The following GIGYF2 variants were observed in gnomAD, a reference collection of about 807,000 sequenced individuals.
GIGYF2 encodes GRB10-interacting GYF protein 2.
GIGYF2 carries 25 observed loss-of-function variants against 208.1 expected under a neutral mutation model. The ratio of observed to expected loss-of-function variants is 0.12; its 90% CI spans 0.09 to 0.17. The LOEUF (loss-of-function observed/expected upper bound fraction) is 0.17, where lower values mean the gene tolerates loss of function less well. Ranked by LOEUF, GIGYF2 falls within the 10% of genes least tolerant of loss-of-function variation. GIGYF2 has a pLI of 1.00. For synonymous variants in GIGYF2, 534 were observed against 543.8 expected (o/e 0.98, Z 0.25); for missense variants, 1,302 against 1,579.4 (o/e 0.82, Z 2.98).
chr2:232,834,707 C>T (rs1458209609), intron 22 of GIGYF2, among the ~76,000 whole-genome samples: 4 of 152,174 alleles, frequency 2.6e-5, no homozygotes, highest in African/African-American at 9.7e-5. Flanking sequence ...TTAATGGTGT[C>T]TCATTTCTCT....
rs185788151 is a variant in GIGYF2 at position 232,706,599 on chromosome 2, G to A, written c.-44+3110G>A. 1.8e-4 allele frequency among the ~76,000 whole-genome samples: 28 copies of A among 152,182 alleles called. 1 individual carries two copies. In the South Asian group the frequency reaches 4.4e-3, roughly 24 times the overall value. On this transcript the variant is annotated intron_variant, in intron 2 of 28. Coordinates refer to ENST00000373563, the MANE Select transcript of GIGYF2 (RefSeq NM_001103146.3). ...TTGAGACCAGCCTGACCAACACGGC[G>A]AAACCCTGTCTCTACTAAAAATACA...
chr2:232,746,964 TTC>T (rs1315684520), intron 3 of GIGYF2, among the ~76,000 whole-genome samples: 1 of 152,220 alleles, frequency 6.6e-6, no homozygotes, highest in Non-Finnish European at 1.5e-5. Flanking sequence ...TCATGTTTGT[TTC>T]TATGCTTTTG....
At chr2:232,843,913 ACAG>A (rs756493556) in intron 23 of GIGYF2, 130 bp from the exon 24 acceptor site, 8 of 764,362 alleles carry the variant, frequency 1.0e-5, no homozygotes, top group Non-Finnish European at 1.8e-5. Flanking sequence ...TTTATTTGCA[ACAG>A]CAGAATTTAA....
chr2:232,822,207 A>G (rs1294734208), intron 21 of GIGYF2, among the ~76,000 whole-genome samples: 1 of 152,200 alleles, frequency 6.6e-6, no homozygotes, highest in African/African-American at 2.4e-5. Flanking sequence ...TCTAAATTGA[A>G]GAGAATTCAC....
At chr2:232,720,583 A>ATATTAT (rs376956632) in intron 2 of GIGYF2, among the ~76,000 whole-genome samples, 4 of 144,918 alleles carry the variant, frequency 2.8e-5, no homozygotes, top group Non-Finnish European at 6.1e-5. Context: ...ATATATATAT[A>ATATTAT]TTTTTGTTTG....
At chr2:232,789,771 C>G (rs772157796) in intron 9 of GIGYF2, among the ~76,000 whole-genome samples, 28 of 151,982 alleles carry the variant, frequency 1.8e-4, no homozygotes, top group Non-Finnish European at 3.7e-4. Context: ...TAGGTTAAAG[C>G]CTGCTTTTCT....
chr2:232,708,969 A>G (rs1386589929), intron 2 of GIGYF2, among the ~76,000 whole-genome samples: 3 of 152,078 alleles, frequency 2.0e-5, no homozygotes, highest in South Asian at 4.1e-4. Flanking sequence ...AAAAATACCA[A>G]AATTAGCCGG....
At chr2:232,808,396 A>C (rs1056106649) in intron 15 of GIGYF2, among the ~76,000 whole-genome samples, 6 of 152,248 alleles carry the variant, frequency 3.9e-5, no homozygotes, top group African/African-American at 1.2e-4. Context: ...GCTGAGCCTC[A>C]GTCATACCTG....
Position 232,794,901 on chromosome 2 carries a change from C to A in GIGYF2, c.1436C>A (p.Ser479Tyr). ...VVGAPGMGSV[S>Y]TEPDDEEGLK... is the part of the protein sequence containing the mutation. ...GGTGCTCCTGGTATGGGCAGTGTTT[C>A]CACAGAACCTGATGATGAAGAAGGT... Residue 479 changes from serine to tyrosine, a missense_variant, in exon 13 of 29, where the codon TCC (serine) becomes TAC (tyrosine). By Grantham distance (144) the Ser-to-Tyr change is moderately radical (BLOSUM62 -2). This residue lies in a region of GIGYF2 where 235 missense variants were observed against 218.8 expected (regional missense o/e 1.07). Transcript: ENST00000373563. The A allele has an allele frequency of 1.2e-6, 2 of 1,613,978 alleles. No individual in the cohort carries two copies. Among genetic ancestry groups the A allele is most frequent in the Non-Finnish European group, 1.7e-6 (2 of 1,179,884 alleles).
chr2:232,845,648 C>G, intron 25 of GIGYF2, 84 bp from the exon 26 acceptor site: 5 of 1,228,542 alleles, frequency 4.1e-6, no homozygotes, highest in Non-Finnish European at 6.0e-6. Flanking sequence ...TCCAGTATTG[C>G]CAAGACATTA....
intron 14 of GIGYF2, among the ~76,000 whole-genome samples, chr2:232,797,489 TTGTGTGTGTGTGTGTGTGTGTG>T (rs67221198): frequency 1.4e-5 from 2 of 144,994 alleles, no homozygotes; most frequent in African/African-American, 2.6e-5. Context: ...AGAGCAGGGC[TTGTGTGTGTGTGTGTGTGTGTG>T]TGTGTGTGTG....
In GIGYF2 at chr2:232,776,629, G is replaced by A; in HGVS notation, c.533-10521G>A. The A allele has an allele frequency of 3.2e-6, 2 of 624,190 alleles. 1 individual carries two copies. Among genetic ancestry groups the A allele is most frequent in the South Asian group, 3.9e-5 (2 of 51,878 alleles). The allele number at this position is 624,190 out of a possible 1,614,324, so 38.7% of individuals were successfully genotyped here. A position where few individuals can be genotyped will look rare whatever the true frequency, so the allele number is the denominator to read the frequency against. On this transcript the variant is annotated intron_variant, in intron 8 of 28. Coordinates refer to ENST00000373563, the MANE Select transcript of GIGYF2 (RefSeq NM_001103146.3). ...GGGGCTGGTTTCAGCTGAGGTTGAT[G>A]TGATTGGTCACTTAGCCTGCAGGGG...
rs544483441 is a variant in GIGYF2 at position 232,843,542 on chromosome 2, G to A, written c.2890-504G>A. Reference sequence around the variant, plus strand: ...CGTGCCATTGCACTCCAGTCTGGGCGACAGAGCGAGACCCTGTCTCAAAAA... The same window carrying A: ...CGTGCCATTGCACTCCAGTCTGGGCAACAGAGCGAGACCCTGTCTCAAAAA... On this transcript the variant is annotated intron_variant, in intron 23 of 28. Transcript: ENST00000373563. Among the ~76,000 whole-genome samples, 6 of 140,530 alleles carry A rather than the reference G, an allele frequency of 4.3e-5. No individual in the cohort carries two copies. In the South Asian group the frequency reaches 6.7e-4, roughly 16 times the overall value. 92.2% of individuals were successfully genotyped at this position (140,530 alleles called of 152,430 possible).
Position 232,749,020 on chromosome 2 carries a change from C to A in GIGYF2, c.205C>A (p.Pro69Thr), listed in dbSNP as rs769730506. ...AGACCTTCTGGATAAAGAATTTCTG[C>A]CTATCCTCCAGGAGGAACCCCTTCC... ...PSDLLDKEFL[P>T]ILQEEPLPPL... Residue 69 changes from proline to threonine, a missense_variant, in exon 5 of 29, where the codon CCT (proline) becomes ACT (threonine). By Grantham distance (38) the Pro-to-Thr change is conservative (BLOSUM62 -1). This residue lies in a region of GIGYF2 where 189 missense variants were observed against 257.7 expected (regional missense o/e 0.73). Coordinates refer to ENST00000373563, the MANE Select transcript of GIGYF2 (RefSeq NM_001103146.3). 1 of 1,602,600 alleles carries A rather than the reference C, an allele frequency of 6.2e-7. No individual in the cohort carries two copies. The highest frequency in any genetic ancestry group is 1.1e-5 in the South Asian group (1 of 90,840).
chr2:232,737,055 C>T (rs755629427), intron 3 of GIGYF2, among the ~76,000 whole-genome samples: 3 of 152,278 alleles, frequency 2.0e-5, no homozygotes, highest in African/African-American at 7.2e-5. Context: ...AAGACAGAGA[C>T]GTCCATTTGC....
At chr2:232,790,977 G>A (rs1228595618) in intron 10 of GIGYF2, 31 bp from the exon 11 acceptor site, 1 of 1,612,924 alleles carries the variant, frequency 6.2e-7, no homozygotes, top group Non-Finnish European at 8.5e-7. Context: ...CAAATCTGCT[G>A]TTGATCTTTG....
At chr2:232,700,417 C>G (rs1574755210) in intron 1 of GIGYF2, among the ~76,000 whole-genome samples, 1 of 152,120 alleles carries the variant, frequency 6.6e-6, no homozygotes, top group Non-Finnish European at 1.5e-5. Context: ...TGATTGCTAT[C>G]TGGGAGAACC....
intron 15 of GIGYF2, among the ~76,000 whole-genome samples, chr2:232,808,570 G>C (rs754236769): frequency 6.6e-6 from 1 of 151,906 alleles, no homozygotes; most frequent in Non-Finnish European, 1.5e-5. Context: ...CTATCCTCCA[G>C]TATCGAAAAG....
At chr2:232,764,651 A>G (rs947149007) in intron 8 of GIGYF2, 1 of 152,252 alleles carries the variant, frequency 6.6e-6, no homozygotes, top group Non-Finnish European at 1.5e-5. Flanking sequence ...TAAAGGGCAG[A>G]AAAGGGCTAA....
Sources: gnomAD v4.1 joint callset for allele counts (sites outside exome capture counted in the v4.1 genomes callset) on GRCh38, gnomAD v4.1.1 for gene constraint, gnomAD v4.1.1 regional missense constraint, MANE v1.5 for transcripts, NCBI Gene and HGNC (gene_info 2026-07-23, HGNC 2026-07-21) for gene names.